Variants in NGLY1 observed in about 807,000 individuals in gnomAD.
NGLY1 encodes peptide-N(4)-(N-acetyl-beta-glucosaminyl)asparagine amidase.
A neutral mutation model predicts 84.6 loss-of-function variants in NGLY1; 68 were observed. That is an observed-to-expected ratio of 0.80 (90% CI 0.66 to 0.98). The LOEUF (loss-of-function observed/expected upper bound fraction) is 0.98, where lower values mean the gene tolerates loss of function less well. NGLY1 is among the 50% of genes least tolerant of loss of function. The pLI is 0.00. For synonymous variants in NGLY1, 280 were observed against 275.2 expected (o/e 1.02, Z -0.17); for missense variants, 779 against 770.2 (o/e 1.01, Z -0.14).
chr3:25,754,608 C>A (rs2125522894), intron 3 of NGLY1, among the ~76,000 whole-genome samples: 1 of 151,882 alleles, frequency 6.6e-6, no homozygotes, highest in Non-Finnish European at 1.5e-5. Flanking sequence ...TGGGGGACTA[C>A]TGCAGAGCTC....
intron 1 of NGLY1, chr3:25,789,706 G>T: frequency 2.2e-6 from 2 of 897,590 alleles, no homozygotes; most frequent in South Asian, 1.6e-5. Context: ...ATAACGTTGC[G>T]AGCTATAGCA....
intron 3 of NGLY1, among the ~76,000 whole-genome samples, chr3:25,757,164 GT>G (rs1707082877): frequency 6.6e-6 from 1 of 152,114 alleles, no homozygotes; most frequent in African/African-American, 2.4e-5. Flanking sequence ...CAGTTTTAAA[GT>G]TTTTTGATAT....
At chr3:25,784,100 C>G (rs936506166), upstream of NGLY1, 2 of 152,186 alleles carry the variant, frequency 1.3e-5, no homozygotes, top group Non-Finnish European at 2.9e-5. Context: ...GGATGAAAGA[C>G]TACAGAAGGA....
chr3:25,763,431 C>T (rs1707408952), intron 3 of NGLY1, among the ~76,000 whole-genome samples: 1 of 152,166 alleles, frequency 6.6e-6, no homozygotes. Context: ...ACTGTACCAA[C>T]CTTAACTGCA....
At chr3:25,776,117 C>A (rs1490866813) in intron 2 of NGLY1, among the ~76,000 whole-genome samples, 1 of 152,190 alleles carries the variant, frequency 6.6e-6, no homozygotes, top group African/African-American at 2.4e-5. Context: ...TTAATCTTTT[C>A]TGAGACTGTG....
intron 2 of NGLY1, among the ~76,000 whole-genome samples, chr3:25,777,006 C>T (rs1196565183): frequency 6.6e-6 from 1 of 152,166 alleles, no homozygotes; most frequent in Admixed American, 6.5e-5. Flanking sequence ...GCTTTCTAAC[C>T]GGTCTCCCTG....
At chr3:25,778,723 A>G (rs1708264439) in intron 1 of NGLY1, 35 bp from the exon 2 acceptor site, 1 of 1,325,006 alleles carries the variant, frequency 7.5e-7, no homozygotes, top group Non-Finnish European at 1.1e-6. Context: ...ATATATAAAA[A>G]AAACCAGGTC....
chr3:25,732,632 TA>T, intron 8 of NGLY1, 149 bp from the exon 9 acceptor site: 1 of 551,712 alleles, frequency 1.8e-6, no homozygotes. Flanking sequence ...ATTCAGAAAA[TA>T]AAAAGGACAC....
chr3:25,783,132 T>A lies in NGLY1; in HGVS notation c.131+128A>T, dbSNP rs553592139. ...CTCGGACGTTAGGAGCAGAACCAGC[T>A]CCAGGTCCCGGTCTGTCCGGGCGTC... On this transcript the variant is annotated intron_variant, in intron 1 of 11. Coordinates refer to ENST00000280700, the MANE Select transcript of NGLY1 (RefSeq NM_018297.4). The surrounding 1 kb of genome is among the most constrained non-coding windows in gnomAD (Gnocchi z 4.5). 7.0e-6 allele frequency: 6 copies of A among 855,534 alleles called. No homozygotes were observed. In the South Asian group the frequency reaches 1.0e-4, roughly 15 times the overall value. 53.0% of individuals were successfully genotyped at this position (855,534 alleles called of 1,614,324 possible).
chr3:25,730,917 C>T (rs903133003), intron 9 of NGLY1, among the ~76,000 whole-genome samples: 1 of 151,950 alleles, frequency 6.6e-6, no homozygotes. Flanking sequence ...TTATTAAATG[C>T]TCTCCAGTGA....
At chr3:25,741,276 A>C (rs1706127009) in intron 4 of NGLY1, among the ~76,000 whole-genome samples, 1 of 152,140 alleles carries the variant, frequency 6.6e-6, no homozygotes, top group African/African-American at 2.4e-5. Context: ...TAAAACTCTA[A>C]TATTTAAAAC....
intron 3 of NGLY1, among the ~76,000 whole-genome samples, chr3:25,753,366 A>G (rs1706856178): frequency 6.6e-6 from 1 of 152,182 alleles, no homozygotes; most frequent in Non-Finnish European, 1.5e-5. Context: ...TACAGAAAGT[A>G]TATCACTCTC....
chr3:25,722,353 G>C (rs1376476748), intron 10 of NGLY1, among the ~76,000 whole-genome samples: 3 of 151,402 alleles, frequency 2.0e-5, no homozygotes, highest in Non-Finnish European at 4.4e-5. Flanking sequence ...GGGGCAAATA[G>C]TTGAAAGTAC....
chr3:25,722,215 T>TA (rs953943214), intron 10 of NGLY1, among the ~76,000 whole-genome samples: 210 of 140,014 alleles, frequency 1.5e-3, no homozygotes, highest in Non-Finnish European at 1.9e-3. Flanking sequence ...AGACTCTGTC[T>TA]AAAAAAAAAA....
rs1377567118 is a variant in NGLY1 at position 25,783,425 on chromosome 3, G to C, written c.-35C>G. 6 of 1,515,364 alleles carry C rather than the reference G, an allele frequency of 4.0e-6. No homozygotes were observed. The highest frequency in any genetic ancestry group is 2.7e-5 in the East Asian group (1 of 37,022). The allele number at this position is 1,515,364 out of a possible 1,614,324, so 93.9% of individuals were successfully genotyped here. A position where few individuals can be genotyped will look rare whatever the true frequency, so the allele number is the denominator to read the frequency against. On this transcript the variant is annotated 5_prime_UTR_variant, in exon 1 of 12. Transcript: ENST00000280700. This position sits in a 1 kb window ranked among gnomAD's most constrained non-coding sequence, Gnocchi z 4.5. ...CCAGCGGGCGCCGCCGCCGCCCCTC[G>C]CTCTCCGCGTCCCACACTGAGCAGG...
At chr3:25,769,945 C>A (rs1707814196) in intron 2 of NGLY1, among the ~76,000 whole-genome samples, 1 of 152,144 alleles carries the variant, frequency 6.6e-6, no homozygotes, top group African/African-American at 2.4e-5. Flanking sequence ...TCCCACTTTT[C>A]CCCTCTCCAA....
At chr3:25,735,666 C>G (rs1705778615) in intron 7 of NGLY1, 1 of 172,628 alleles carries the variant, frequency 5.8e-6, no homozygotes, top group South Asian at 1.6e-4. Flanking sequence ...TATAATGCAG[C>G]CATTCTACTC....
At chr3:25,723,938 CTTG>C (rs1431019779) in intron 10 of NGLY1, among the ~76,000 whole-genome samples, 1 of 152,136 alleles carries the variant, frequency 6.6e-6, no homozygotes, top group Admixed American at 6.5e-5. Flanking sequence ...ATCCTTGCTC[CTTG>C]TTGTAAGCAC....
chr3:25,772,677 G>A (rs1047538800), intron 2 of NGLY1, among the ~76,000 whole-genome samples: 13 of 135,000 alleles, frequency 9.6e-5, no homozygotes, highest in Non-Finnish European at 1.8e-4. Flanking sequence ...CATGCTAGTT[G>A]TTGTGTGAAT....
Sources: gnomAD v4.1 joint callset for allele counts (sites outside exome capture counted in the v4.1 genomes callset) on GRCh38, gnomAD v4.1.1 for gene constraint, Gnocchi (gnomAD v3.1) non-coding constraint, MANE v1.5 for transcripts, NCBI Gene and HGNC (gene_info 2026-07-23, HGNC 2026-07-21) for gene names.